The following YTHDC2 variants were observed in gnomAD, a reference collection of about 807,000 sequenced individuals.
YTHDC2 encodes the protein 3'-5' RNA helicase YTHDC2.
YTHDC2 carries 45 observed loss-of-function variants against 174.9 expected under a neutral mutation model. The ratio of observed to expected loss-of-function variants is 0.26; its 90% CI spans 0.20 to 0.33. The LOEUF (loss-of-function observed/expected upper bound fraction) is 0.33. Among genes scored for constraint, YTHDC2 ranks in the 10% least tolerant of loss-of-function variants. The pLI, the probability that YTHDC2 is intolerant of heterozygous loss-of-function variation, is 1.00. For synonymous variants in YTHDC2, 657 were observed against 574.5 expected (o/e 1.14, Z -2.05); for missense variants, 1,650 against 1,723.7 (o/e 0.96, Z 0.76).
At chr5:113,556,301 T>G in intron 17 of YTHDC2, 167 bp downstream of exon 17, 1 of 439,400 alleles carries the variant, frequency 2.3e-6, no homozygotes, top group Non-Finnish European at 4.1e-6. Context: ...TCCTTAAAAG[T>G]TGAATGTAGG....
intron 26 of YTHDC2, among the ~76,000 whole-genome samples, chr5:113,586,603 T>C (rs1054344891): frequency 2.6e-5 from 4 of 151,724 alleles, no homozygotes; most frequent in African/African-American, 7.2e-5. Flanking sequence ...GATCATAATT[T>C]TCTCCTATGT....
intron 4 of YTHDC2, among the ~76,000 whole-genome samples, chr5:113,529,760 C>T (rs1048945515): frequency 1.3e-5 from 2 of 151,934 alleles, no homozygotes; most frequent in African/African-American, 4.8e-5. Context: ...GACTGTTAAA[C>T]ATCTTAAAAA....
chr5:113,514,332 T>A (rs943622823), intron 1 of YTHDC2: 1 of 679,460 alleles, frequency 1.5e-6, no homozygotes. Flanking sequence ...AAAGTGTTTT[T>A]CCCCCGCGTC....
At chr5:113,538,992 T>A (rs1398991588) in intron 7 of YTHDC2, 82 bp from the exon 8 acceptor site, 1 of 671,108 alleles carries the variant, frequency 1.5e-6, no homozygotes, top group Non-Finnish European at 2.4e-6. Flanking sequence ...ATACTGAGAT[T>A]CATTAACTTG....
At position 113,544,706 on chromosome 5, in the gene YTHDC2, T is replaced by G. The variant is rs1446023271; in HGVS notation, c.1495+2203T>G. 4.7e-5 allele frequency among the ~76,000 whole-genome samples: 7 copies of G among 147,804 alleles called. No individual in the cohort carries two copies. In the East Asian group the frequency reaches 5.9e-4, roughly 12 times the overall value. On this transcript the variant is annotated intron_variant, in intron 10 of 29. Coordinates refer to ENST00000161863, the MANE Select transcript of YTHDC2 (RefSeq NM_022828.5). ...TCTTTTAAATTTTTTGTTTTTTTTT[T>G]GGGCTGACTGTACCTATTACTTCAA...
At chr5:113,544,927 T>C (rs942801050) in intron 10 of YTHDC2, among the ~76,000 whole-genome samples, 4 of 152,194 alleles carry the variant, frequency 2.6e-5, no homozygotes, top group Non-Finnish European at 4.4e-5. Context: ...TTGATTCATA[T>C]TGTTTTTGAA....
intron 7 of YTHDC2, among the ~76,000 whole-genome samples, chr5:113,537,903 T>G (rs1775191687): frequency 6.6e-6 from 1 of 152,172 alleles, no homozygotes; most frequent in Non-Finnish European, 1.5e-5. Flanking sequence ...GTAATAATCT[T>G]GGGTGATCAG....
In YTHDC2 at chr5:113,545,962, G is replaced by A. The variant is rs541046187; in HGVS notation, c.1496-2579G>A. Among the ~76,000 whole-genome samples, 7 of 52,018 alleles carry A rather than the reference G, an allele frequency of 1.3e-4. 2 individuals are homozygous for A. Among genetic ancestry groups the A allele is most frequent in the Admixed American group, 2.2e-4 (1 of 4,458 alleles). The allele number at this position is 52,018 out of a possible 152,430, so 34.1% of individuals were successfully genotyped here. On this transcript the variant is annotated intron_variant, in intron 10 of 29. Coordinates refer to ENST00000161863, the MANE Select transcript of YTHDC2 (RefSeq NM_022828.5). ...TCACCGTTTTAGCCGGGATGGTCTC[G>A]ATCTCCTGACCTCGTGATCCGCCCG...
rs192740190 is a variant in YTHDC2, at chr5:113,565,809, G to A, written c.2716-84G>A. On this transcript the variant is annotated intron_variant, in intron 20 of 29. Coordinates refer to ENST00000161863, the MANE Select transcript of YTHDC2 (RefSeq NM_022828.5). Reference sequence around the variant, plus strand: ...AAGGCAAATTCACGTCGAGGAATTCGTGTAGTGATTTGTAGTTACTTGTTG... The same window carrying A: ...AAGGCAAATTCACGTCGAGGAATTCATGTAGTGATTTGTAGTTACTTGTTG... 70 of 1,377,770 alleles carry A rather than the reference G, an allele frequency of 5.1e-5. 1 individual carries two copies. The highest frequency in any genetic ancestry group is 1.8e-4 in the African/African-American group (12 of 68,068). The allele number at this position is 1,377,770 out of a possible 1,614,324, so 85.3% of individuals were successfully genotyped here.
In YTHDC2 at chr5:113,593,309, G is replaced by A; in HGVS notation, c.4219G>A (p.Glu1407Lys). ...TGACTTCTGATTTATCTAGGAACTA[G>A]AACCTCTGGTTGGTGAACAGTTGCT... ...VQISRDGQEL[E>K]PLVGEQLLQL... is the part of the protein sequence containing the mutation. Residue 1407 changes from glutamate (E) to lysine (K), a missense_variant, in exon 29 of 30, where the codon GAA becomes AAA. By Grantham distance (56) the Glu-to-Lys change is moderately conservative. Around this residue, in one of 5 missense-constraint regions of YTHDC2, gnomAD observed 913 missense variants for 940.4 expected, o/e 0.97. Coordinates refer to ENST00000161863, the MANE Select transcript of YTHDC2 (RefSeq NM_022828.5). The A allele has an allele frequency of 1.2e-6, 2 of 1,612,050 alleles. No individual in the cohort carries two copies. Among genetic ancestry groups the A allele is most frequent in the Non-Finnish European group, 1.7e-6 (2 of 1,178,732 alleles).
chr5:113,564,861 T>A (rs1213537578), intron 20 of YTHDC2, among the ~76,000 whole-genome samples: 2 of 152,220 alleles, frequency 1.3e-5, no homozygotes, highest in East Asian at 3.8e-4. Context: ...TCACCCAGGC[T>A]GGAGTGCAGT....
chr5:113,567,878 T>C, intron 23 of YTHDC2, 29 bp downstream of exon 23: 1 of 1,440,316 alleles, frequency 6.9e-7, no homozygotes, highest in Non-Finnish European at 9.2e-7. Context: ...TAAAAATCTA[T>C]TTGAAATGAA....
At chr5:113,581,318 GT>G in intron 24 of YTHDC2, 98 bp from the exon 25 acceptor site, 1 of 1,126,510 alleles carries the variant, frequency 8.9e-7, no homozygotes, top group Admixed American at 3.0e-5. Context: ...TGTGAAATAA[GT>G]TTGTTGGAAA....
At chr5:113,584,626 TG>T (rs1302467133) in intron 26 of YTHDC2, 147 bp downstream of exon 26, 6 of 673,056 alleles carry the variant, frequency 8.9e-6, no homozygotes, top group Non-Finnish European at 1.4e-5. Flanking sequence ...TGATACAGTT[TG>T]AGTAAATTTT....
Position 113,553,197 on chromosome 5 carries a change from G to A in YTHDC2, c.1705G>A (p.Gly569Arg), listed in dbSNP as rs1329120626. The A allele has an allele frequency of 9.0e-7, 1 of 1,112,554 alleles. No individual in the cohort carries two copies. The highest frequency in any genetic ancestry group is 3.4e-5 in the Admixed American group (1 of 29,850). 68.9% of individuals were successfully genotyped at this position (1,112,554 alleles called of 1,614,324 possible). ...LESYSATLEFGNLDESSLVQT... is the reference protein window; with the variant it reads ...LESYSATLEFRNLDESSLVQT... ...TTTTTTCAGTGCTACACTGGAATTT[G>A]GAAATCTAGATGAAAGTTCTCTGGT... Residue 569 changes from glycine to arginine, a missense_variant, in exon 13 of 30, where the codon GGA (glycine) becomes AGA (arginine). By Grantham distance (125) the Gly-to-Arg change is moderately radical. Around this residue, in one of 5 missense-constraint regions of YTHDC2, gnomAD observed 411 missense variants for 380.6 expected, o/e 1.08. Transcript: ENST00000161863.
intron 4 of YTHDC2, among the ~76,000 whole-genome samples, chr5:113,531,370 C>T (rs1170482599): frequency 1.3e-5 from 2 of 152,078 alleles, no homozygotes; most frequent in Admixed American, 6.5e-5. Context: ...CAGCGAAGCT[C>T]ACATTTATTC....
chr5:113,585,362 T>C (rs564825853), intron 26 of YTHDC2, among the ~76,000 whole-genome samples: 1 of 152,322 alleles, frequency 6.6e-6, no homozygotes, highest in East Asian at 1.9e-4. Flanking sequence ...GTTATTTAGC[T>C]GCATATTGTA....
chr5:113,535,548 A>G, intron 6 of YTHDC2, 94 bp from the exon 7 acceptor site: 1 of 1,192,942 alleles, frequency 8.4e-7, no homozygotes, highest in Non-Finnish European at 1.1e-6. Context: ...ATTTAATTTG[A>G]ATTAGTGTAA....
At chr5:113,569,307 A>T (rs960399203) in intron 23 of YTHDC2, among the ~76,000 whole-genome samples, 1 of 152,040 alleles carries the variant, frequency 6.6e-6, no homozygotes, top group South Asian at 2.1e-4. Context: ...GTTTCCTCTG[A>T]TGATAGTTGT....
Sources: gnomAD v4.1 joint callset for allele counts (sites outside exome capture counted in the v4.1 genomes callset) on GRCh38, gnomAD v4.1.1 for gene constraint, gnomAD v4.1.1 regional missense constraint, MANE v1.5 for transcripts, NCBI Gene and HGNC (gene_info 2026-07-23, HGNC 2026-07-21) for gene names.